ULK4: variants seen among roughly 807,000 people sequenced by gnomAD.
ULK4 encodes the protein unc-51 like kinase 4.
In ULK4, 133 loss-of-function variants were observed where a neutral mutation model predicts 160.6. The ratio of observed to expected loss-of-function variants is 0.83; its 90% confidence interval spans 0.72 to 0.96. The LOEUF (loss-of-function observed/expected upper bound fraction) is 0.96. ULK4 is among the 40% of genes least tolerant of loss of function. The pLI is 0.00. For synonymous variants in ULK4, 534 were observed against 539.8 expected (o/e 0.99, Z 0.15); for missense variants, 1,580 against 1,499.5 (o/e 1.05, Z -0.89).
chr3:41,350,745 ACAGGAG>A (rs1365168237), intron 35 of ULK4, among the ~76,000 whole-genome samples: 2 of 152,218 alleles, frequency 1.3e-5, no homozygotes, highest in Non-Finnish European at 2.9e-5. Context: ...CCATCCTAAC[ACAGGAG>A]CAGGAGTAGC....
chr3:41,405,824 T>G (rs78426695), intron 34 of ULK4, among the ~76,000 whole-genome samples: 3 of 150,992 alleles, frequency 2.0e-5, no homozygotes, highest in African/African-American at 7.3e-5. Flanking sequence ...GTTTTTTTTT[T>G]GTTTGTTTTT....
chr3:41,725,473 C>T (rs1381842644), intron 22 of ULK4, among the ~76,000 whole-genome samples: 4 of 152,144 alleles, frequency 2.6e-5, no homozygotes, highest in African/African-American at 7.2e-5. Context: ...CATTTCTCTG[C>T]TTCAGAGAGT....
intron 16 of ULK4, among the ~76,000 whole-genome samples, chr3:41,887,795 G>A (rs200351356): frequency 5.0e-4 from 76 of 151,418 alleles, no homozygotes; most frequent in African/African-American, 1.6e-3. Context: ...CTGCACTCCC[G>A]CCTGGGTGAC....
At chr3:41,319,393 C>T (rs2080207588) in intron 35 of ULK4, among the ~76,000 whole-genome samples, 1 of 152,168 alleles carries the variant, frequency 6.6e-6, no homozygotes, top group Non-Finnish European at 1.5e-5. Flanking sequence ...TTCATATGTC[C>T]ATGATTATCT....
chr3:41,786,598 C>CAAAAA (rs34207417), intron 21 of ULK4, among the ~76,000 whole-genome samples: 1 of 64,138 alleles, frequency 1.6e-5, no homozygotes, highest in Non-Finnish European at 3.8e-5. Context: ...ATCCTGTCTC[C>CAAAAA]AAAAAAAAAA....
At chr3:41,894,350 T>C (rs1698078504) in intron 16 of ULK4, among the ~76,000 whole-genome samples, 1 of 152,140 alleles carries the variant, frequency 6.6e-6, no homozygotes, top group Non-Finnish European at 1.5e-5. Flanking sequence ...TTTGGGAGAG[T>C]AACATTAGAA....
chr3:41,473,310 A>G (rs1378330839), intron 32 of ULK4, among the ~76,000 whole-genome samples: 1 of 152,146 alleles, frequency 6.6e-6, no homozygotes, highest in Non-Finnish European at 1.5e-5. Flanking sequence ...CTGTTTGTCA[A>G]CAATATGATC....
At chr3:41,410,034 C>A (rs2082379584) in intron 34 of ULK4, among the ~76,000 whole-genome samples, 1 of 151,922 alleles carries the variant, frequency 6.6e-6, no homozygotes, top group African/African-American at 2.4e-5. Context: ...ATCAAAAACA[C>A]AGACAGTAAC....
At chr3:41,382,903 T>C (rs1338235299) in intron 35 of ULK4, among the ~76,000 whole-genome samples, 3 of 152,146 alleles carry the variant, frequency 2.0e-5, no homozygotes, top group Non-Finnish European at 4.4e-5. Context: ...ATAATGTGGA[T>C]ATTTGTTATT....
chr3:41,795,494 TCAAA>T (rs1436861514), intron 20 of ULK4, among the ~76,000 whole-genome samples: 1 of 152,148 alleles, frequency 6.6e-6, no homozygotes, highest in Non-Finnish European at 1.5e-5. Flanking sequence ...AGGCCTGGTA[TCAAA>T]CAGAGAGAGA....
chr3:41,419,245 C>T (rs886435915), intron 34 of ULK4, among the ~76,000 whole-genome samples: 6 of 152,006 alleles, frequency 3.9e-5, no homozygotes, highest in Non-Finnish European at 7.4e-5. Flanking sequence ...GCAGTGTGCT[C>T]GGTGTTTCTG....
intron 35 of ULK4, among the ~76,000 whole-genome samples, chr3:41,287,902 G>C (rs542501134): frequency 7.7e-4 from 118 of 152,338 alleles, no homozygotes; most frequent in Non-Finnish European, 1.5e-3. Flanking sequence ...GGGGACATTT[G>C]AGGATAGGGT....
intron 20 of ULK4, among the ~76,000 whole-genome samples, chr3:41,794,521 G>A (rs546601388): frequency 1.2e-4 from 18 of 151,388 alleles, no homozygotes; most frequent in Non-Finnish European, 1.3e-4. Context: ...AAAATTGGCC[G>A]GGCATGGTGG....
chr3:41,721,360 ATATTT>A (rs1358354782), intron 22 of ULK4, among the ~76,000 whole-genome samples: 70 of 51,456 alleles, frequency 1.4e-3, no homozygotes, highest in African/African-American at 2.7e-3. Flanking sequence ...ATATATATAT[ATATTT>A]TTTTTTTTTT....
intron 30 of ULK4, among the ~76,000 whole-genome samples, chr3:41,661,000 G>A (rs2035133283): frequency 6.6e-6 from 1 of 151,860 alleles, no homozygotes; most frequent in Non-Finnish European, 1.5e-5. Context: ...ATATAAAATT[G>A]TATAAATTTT....
At chr3:41,763,877 T>C (rs1237573691) in intron 21 of ULK4, among the ~76,000 whole-genome samples, 1 of 152,266 alleles carries the variant, frequency 6.6e-6, no homozygotes, top group Non-Finnish European at 1.5e-5. Flanking sequence ...GTCTTTTTCA[T>C]TTTATTTAAA....
At chr3:41,775,457 G>C (rs1042329579) in intron 21 of ULK4, among the ~76,000 whole-genome samples, 2 of 148,566 alleles carry the variant, frequency 1.3e-5, no homozygotes, top group Middle Eastern at 3.4e-3. Flanking sequence ...GGAGTGCAGT[G>C]GTGCAATCTG....
chr3:41,724,606 C>CCAGCT (rs1332888142), intron 22 of ULK4, among the ~76,000 whole-genome samples: 2 of 151,990 alleles, frequency 1.3e-5, no homozygotes, highest in Non-Finnish European at 2.9e-5. Context: ...GCCTGTAGTC[C>CCAGCT]CAGCTACTCG....
intron 32 of ULK4, among the ~76,000 whole-genome samples, chr3:41,557,502 C>G (rs1225293313): frequency 3.3e-5 from 5 of 151,840 alleles, no homozygotes; most frequent in Non-Finnish European, 7.4e-5. Context: ...TGGCTCACAC[C>G]TGTAATACCA....
Sources: gnomAD v4.1 joint callset for allele counts (sites outside exome capture counted in the v4.1 genomes callset) on GRCh38, gnomAD v4.1.1 for gene constraint, MANE v1.5 for transcripts, NCBI Gene and HGNC (gene_info 2026-07-23, HGNC 2026-07-21) for gene names.